STIM2: variants seen among roughly 807,000 people sequenced by gnomAD.
The protein encoded by STIM2 is stromal interaction molecule 2.
STIM2 carries 31 observed loss-of-function variants against 85.8 expected under a neutral mutation model. The observed-to-expected ratio is 0.36, with a 90% CI of 0.27 to 0.49. STIM2 has a LOEUF of 0.49. Among genes scored for constraint, STIM2 ranks in the 20% least tolerant of loss-of-function variants. STIM2 has a pLI of 0.98. For missense variants in STIM2, 841 were observed against 927.6 expected, an observed-to-expected ratio of 0.91 and a Z score of 1.21; for synonymous variants, 356 against 331.1, an observed-to-expected ratio of 1.08 and a Z score of -0.82.
intron 1 of STIM2, among the ~76,000 whole-genome samples, chr4:26,885,857 A>ATATATATATATATATG (rs1723215073): frequency 1.5e-5 from 1 of 67,816 alleles, no homozygotes; most frequent in Non-Finnish European, 3.0e-5. Context: ...ATATATATAT[A>ATATATATATATATATG]TATATATATA....
At position 27,010,799 on chromosome 4, in the gene STIM2, CTA is replaced by C. The variant is rs935983016; in HGVS notation, c.1489+1799_1489+1800del. 2.0e-4 allele frequency among the ~76,000 whole-genome samples: 31 copies of C among 152,104 alleles called. 1 individual carries two copies. The highest frequency in any genetic ancestry group is 1.2e-3 in the Admixed American group (19 of 15,278). On this transcript the variant is annotated intron_variant, in intron 10 of 11. Coordinates refer to ENST00000467087, the MANE Select transcript of STIM2 (RefSeq NM_020860.4). ...AACAATATACACAGAATAATATTGT[CTA>C]TGTGTAATTATATGGAAAGAAAAAA...
At position 27,023,047 on chromosome 4, in the gene STIM2, C is replaced by A; in HGVS notation, c.*51C>A. 1 of 1,524,120 alleles carries A rather than the reference C, an allele frequency of 6.6e-7. No individual in the cohort carries two copies. The highest frequency in any genetic ancestry group is 8.9e-7 in the Non-Finnish European group (1 of 1,127,106). The allele number at this position is 1,524,120 out of a possible 1,614,324, so 94.4% of individuals were successfully genotyped here. On this transcript the variant is annotated 3_prime_UTR_variant, in exon 12 of 12. Coordinates refer to ENST00000467087, the MANE Select transcript of STIM2 (RefSeq NM_020860.4). ...TCAAGTGGCATCTGTAAACTATTAT[C>A]CCCCACCCTCCACTCCCCACCTTTT...
intron 1 of STIM2, among the ~76,000 whole-genome samples, chr4:26,903,797 C>T (rs1046426501): frequency 2.6e-5 from 4 of 151,928 alleles, no homozygotes; most frequent in African/African-American, 4.8e-5. Context: ...GTGTCAAATT[C>T]GATACCACCC....
intron 3 of STIM2, among the ~76,000 whole-genome samples, chr4:26,978,921 T>TGG (rs1727289758): frequency 6.6e-6 from 1 of 152,174 alleles, no homozygotes; most frequent in Non-Finnish European, 1.5e-5. Flanking sequence ...TAGCTACTCT[T>TGG]TCAGAACATC....
intron 1 of STIM2, among the ~76,000 whole-genome samples, chr4:26,880,069 A>G (rs1293010492): frequency 6.6e-6 from 1 of 152,344 alleles, no homozygotes; most frequent in East Asian, 1.9e-4. Context: ...AGGCTTATGT[A>G]ATTATGATAG....
At chr4:26,998,544 ATTAAG>A (rs1481121520) in intron 4 of STIM2, among the ~76,000 whole-genome samples, 1 of 151,068 alleles carries the variant, frequency 6.6e-6, no homozygotes, top group Non-Finnish European at 1.5e-5. Flanking sequence ...TAGATGTTAA[ATTAAG>A]TTACTTATGG....
At chr4:26,969,382 T>C (rs1726845957) in intron 3 of STIM2, among the ~76,000 whole-genome samples, 1 of 152,234 alleles carries the variant, frequency 6.6e-6, no homozygotes, top group African/African-American at 2.4e-5. Context: ...GAATTATATA[T>C]TGTAAGCATA....
At chr4:26,901,828 T>C (rs1723930120) in intron 1 of STIM2, among the ~76,000 whole-genome samples, 2 of 152,184 alleles carry the variant, frequency 1.3e-5, no homozygotes, top group Non-Finnish European at 2.9e-5. Flanking sequence ...GAAATTCTTC[T>C]TATCCCTTTG....
intron 1 of STIM2, among the ~76,000 whole-genome samples, chr4:26,884,956 T>A (rs903113436): frequency 2.6e-5 from 4 of 152,232 alleles, no homozygotes; most frequent in African/African-American, 7.2e-5. Context: ...TAATTGAACC[T>A]TGACTCCTTT....
chr4:27,008,051 A>G, intron 8 of STIM2: 1 of 711,558 alleles, frequency 1.4e-6, no homozygotes, highest in Non-Finnish European at 2.6e-6. Context: ...AATTGTGTGG[A>G]ATGAGAATAA....
intron 1 of STIM2, among the ~76,000 whole-genome samples, chr4:26,878,506 G>T (rs1269762087): frequency 6.6e-6 from 1 of 152,106 alleles, no homozygotes; most frequent in African/African-American, 2.4e-5. Flanking sequence ...TGGGCCTTGT[G>T]GGTGGGAGAG....
chr4:26,870,109 A>G (rs76212737), intron 1 of STIM2, among the ~76,000 whole-genome samples: 3,154 of 152,268 alleles, frequency 0.021, 112 homozygotes, highest in African/African-American at 0.072. Context: ...ACAGAGTAGA[A>G]TGGTGGTTAC....
intron 2 of STIM2, among the ~76,000 whole-genome samples, chr4:26,931,771 G>A (rs1459338077): frequency 2.0e-5 from 3 of 152,112 alleles, no homozygotes; most frequent in Non-Finnish European, 4.4e-5. Flanking sequence ...CCTATATACT[G>A]AAATTTTCAT....
chr4:26,903,670 G>A (rs779236514), intron 1 of STIM2, among the ~76,000 whole-genome samples: 3 of 152,132 alleles, frequency 2.0e-5, no homozygotes, highest in Non-Finnish European at 4.4e-5. Flanking sequence ...TAGCTCAGCT[G>A]AGGCCTGCAA....
intron 9 of STIM2, 34 bp downstream of exon 9, chr4:27,008,562 T>G (rs765576248): frequency 3.5e-6 from 5 of 1,444,122 alleles, no homozygotes; most frequent in Non-Finnish European, 4.8e-6. Flanking sequence ...ATTTGATTTA[T>G]GTTTATTGTG....
At chr4:26,964,209 T>G (rs1418422912) in intron 3 of STIM2, among the ~76,000 whole-genome samples, 1 of 152,188 alleles carries the variant, frequency 6.6e-6, no homozygotes, top group Non-Finnish European at 1.5e-5. Flanking sequence ...ATGATTCCAC[T>G]CATATTCCAG....
intron 1 of STIM2, among the ~76,000 whole-genome samples, chr4:26,892,039 C>G (rs1005937081): frequency 1.3e-5 from 2 of 152,150 alleles, no homozygotes; most frequent in Non-Finnish European, 2.9e-5. Context: ...GGGAGTTTCT[C>G]TGCACAAGCT....
chr4:26,882,962 C>T (rs541211834), intron 1 of STIM2, among the ~76,000 whole-genome samples: 50 of 151,774 alleles, frequency 3.3e-4, no homozygotes, highest in Admixed American at 1.2e-3. Flanking sequence ...CTCAGCCTCC[C>T]GAGTAGCTGG....
chr4:26,893,091 T>C (rs73116655), intron 1 of STIM2, among the ~76,000 whole-genome samples: 5,799 of 152,290 alleles, frequency 0.038, 255 homozygotes, highest in African/African-American at 0.11. Flanking sequence ...TCCTTGATAG[T>C]GGCACTAATG....
Sources: allele counts gnomAD v4.1 joint callset (sites outside exome capture counted in the v4.1 genomes callset), GRCh38; gene constraint gnomAD v4.1.1; transcripts MANE v1.5; gene names NCBI Gene and HGNC (gene_info 2026-07-23, HGNC 2026-07-21).